CAPN2: variants seen among roughly 807,000 people sequenced by gnomAD.
CAPN2 encodes calpain-2 catalytic subunit.
Under a neutral mutation model 102.3 loss-of-function variants are expected in CAPN2, and 92 were observed. The ratio of observed to expected loss-of-function variants is 0.90; its 90% confidence interval spans 0.76 to 1.07. The LOEUF (loss-of-function observed/expected upper bound fraction) is 1.07, where lower values mean the gene tolerates loss of function less well. Among genes scored for constraint, CAPN2 ranks in the 50% least tolerant of loss-of-function variants. CAPN2 has a pLI of 0.00. For missense variants in CAPN2, 800 were observed against 909.4 expected (o/e 0.88, Z 1.55); for synonymous variants, 340 against 355.4 (o/e 0.96, Z 0.49).
chr1:223,755,865 C>T lies in CAPN2; in HGVS notation c.1305+216C>T, dbSNP rs1008229175. Among the ~76,000 whole-genome samples the T allele has an allele frequency of 3.3e-5, 5 of 152,224 alleles. No individual in the cohort carries two copies. The highest frequency in any genetic ancestry group is 4.8e-5 in the African/African-American group (2 of 41,460). On this transcript the variant is annotated intron_variant, in intron 10 of 20. Coordinates refer to ENST00000295006, the MANE Select transcript of CAPN2 (RefSeq NM_001748.5). The surrounding 1 kb of genome is among the most constrained non-coding windows in gnomAD (Gnocchi z 4.1). ...GTTGTGGGGCCTTCTAAGCCCTTCA[C>T]GGGCCCCCCACAGCCAGCCTGCAGG...
At chr1:223,701,961 C>G (rs1412335259) in intron 1 of CAPN2, 1 of 130,080 alleles carries the variant, frequency 7.7e-6, no homozygotes, top group African/African-American at 2.9e-5. Flanking sequence ...GAGCTGAGAT[C>G]GTGTCACTGC....
At chr1:223,734,056 T>C (rs1252588764) in intron 2 of CAPN2, among the ~76,000 whole-genome samples, 4 of 152,106 alleles carry the variant, frequency 2.6e-5, no homozygotes, top group Non-Finnish European at 2.9e-5. Context: ...CCTTCTGTTA[T>C]GTGAGGAGAA....
In CAPN2 at chr1:223,731,258, T is replaced by C. The variant is rs989167302; in HGVS notation, c.308-12842T>C. On this transcript the variant is annotated intron_variant, in intron 2 of 20. Transcript: ENST00000295006. The surrounding 1 kb of genome is among the most constrained non-coding windows in gnomAD (Gnocchi z 4.2). Reference sequence around the variant, plus strand: ...GAAGGGGAAAGGAAGAGAAGGAAGTTTGGCTTAAATTCCCTTAGGAGCCAG... The same window carrying C: ...GAAGGGGAAAGGAAGAGAAGGAAGTCTGGCTTAAATTCCCTTAGGAGCCAG... 6.6e-6 allele frequency among the ~76,000 whole-genome samples: 1 copy of C among 152,030 alleles called. No homozygotes were observed. Among genetic ancestry groups the C allele is most frequent in the Non-Finnish European group, 1.5e-5 (1 of 68,006 alleles).
Position 223,745,289 on chromosome 1 carries a change from C to CCT in CAPN2, c.427-12_427-11dup. On this transcript the variant is annotated splice_polypyrimidine_tract_variant and intron_variant, in intron 3 of 20. Transcript: ENST00000295006. ...TGCCACCAGCTCCTCCTGCAGCCCA[C>CCT]CTCTCTTGTTCTGCAGTTCTGGCAA... 6.2e-7 allele frequency: 1 copy of CCT among 1,614,102 alleles called. No individual in the cohort carries two copies. Among genetic ancestry groups the CCT allele is most frequent in the Non-Finnish European group, 8.5e-7 (1 of 1,180,016 alleles).
chr1:223,760,664 C>T (rs1661161990), intron 12 of CAPN2, among the ~76,000 whole-genome samples: 1 of 152,102 alleles, frequency 6.6e-6, no homozygotes, highest in South Asian at 2.1e-4. Flanking sequence ...TAACAGTGTC[C>T]TTTGTCAAAC....
chr1:223,752,018 A>G lies in CAPN2; in HGVS notation c.921A>G (p.Ile307Met). ...WNDNCPSWNT[I>M]DPEERERLTR... ...CCAGCTGCCCAAGCTGGAACACTATAGACCCAGAGGAGAGGGAAAGGCTGA... is the reference window on the plus strand; with the variant it reads ...CCAGCTGCCCAAGCTGGAACACTATGGACCCAGAGGAGAGGGAAAGGCTGA... The change falls in exon 8 of 21, where the codon ATA (isoleucine) becomes ATG (methionine). Residue 307 changes from isoleucine (I) to methionine (M), a missense_variant. Ile to Met is a conservative substitution (Grantham distance 10). Coordinates refer to ENST00000295006, the MANE Select transcript of CAPN2 (RefSeq NM_001748.5). 6.2e-7 allele frequency: 1 copy of G among 1,612,634 alleles called. No individual in the cohort carries two copies. Among genetic ancestry groups the G allele is most frequent in the Non-Finnish European group, 8.5e-7 (1 of 1,178,990 alleles).
Position 223,755,382 on chromosome 1 carries a change from A to G in CAPN2, c.1136-98A>G, listed in dbSNP as rs1661006876. On this transcript the variant is annotated intron_variant, in intron 9 of 20. Coordinates refer to ENST00000295006, the MANE Select transcript of CAPN2 (RefSeq NM_001748.5). The surrounding 1 kb of genome is among the most constrained non-coding windows in gnomAD (Gnocchi z 4.1). ...CCTCCCACCATCTCCCTTTATCTCC[A>G]TCCCTCTCAGAAGCCTCCAAGCCTG... 2.5e-6 allele frequency: 3 copies of G among 1,188,338 alleles called. No homozygotes were observed. Among genetic ancestry groups the G allele is most frequent in the Non-Finnish European group, 3.6e-6 (3 of 826,168 alleles). The allele number at this position is 1,188,338 out of a possible 1,614,324, so 73.6% of individuals were successfully genotyped here. A position where few individuals can be genotyped will look rare whatever the true frequency, so the allele number is the denominator to read the frequency against.
In CAPN2 at chr1:223,702,105, A is replaced by AGAAGGAAGGAAGGAAGGAAGGAAG. The variant is rs372361537; in HGVS notation, c.3+282_3+305dup. Among the ~76,000 whole-genome samples the AGAAGGAAGGAAGGAAGGAAGGAAG allele has an allele frequency of 1.5e-3, 125 of 84,600 alleles. 2 individuals carry two copies. The highest frequency in any genetic ancestry group is 5.3e-3 in the African/African-American group (97 of 18,372). 55.5% of individuals were successfully genotyped at this position (84,600 alleles called of 152,430 possible). ...AGGGAGGGAGGGAGGAAAGAAGGAAAGAAGGAAGGAAGGAAGGAAGGAAGG... is the reference window on the plus strand; with the variant it reads ...AGGGAGGGAGGGAGGAAAGAAGGAAAGAAGGAAGGAAGGAAGGAAGGAAGGAAGGAAGGAAGGAAGGAAGGAAGG... On this transcript the variant is annotated intron_variant, in intron 1 of 20. Coordinates refer to the CAPN2 transcript ENST00000433674.
chr1:223,759,614 G>A lies in CAPN2; in HGVS notation c.1529+133G>A, dbSNP rs367781752. 1 of 670,350 alleles carries A rather than the reference G, an allele frequency of 1.5e-6. No individual in the cohort carries two copies. 41.5% of individuals were successfully genotyped at this position (670,350 alleles called of 1,614,324 possible). ...TCTGTAACACCTGCCCACCTCGAAGGACTAGTGTGGGGATTTGATGGATTG... is the reference window on the plus strand; with the variant it reads ...TCTGTAACACCTGCCCACCTCGAAGAACTAGTGTGGGGATTTGATGGATTG... On this transcript the variant is annotated intron_variant, in intron 12 of 20. Coordinates refer to ENST00000295006, the MANE Select transcript of CAPN2 (RefSeq NM_001748.5). This position sits in a 1 kb window ranked among gnomAD's most constrained non-coding sequence, Gnocchi z 4.6.
Position 223,752,683 on chromosome 1 carries a change from T to TA in CAPN2, c.975-111dup, listed in dbSNP as rs1315331165. On this transcript the variant is annotated intron_variant, in intron 8 of 20. Transcript: ENST00000295006. Reference sequence around the variant, plus strand: ...AACCTGGTGCCCATCCACTCAGTTCTAATGAGCTGCTCTGCCTGGCTTTGG... The same window carrying TA: ...AACCTGGTGCCCATCCACTCAGTTCTAAATGAGCTGCTCTGCCTGGCTTTGG... The TA allele has an allele frequency of 2.0e-5, 19 of 961,466 alleles. No individual in the cohort carries two copies. In the Admixed American group the frequency reaches 4.1e-4, roughly 21 times the overall value. 59.6% of individuals were successfully genotyped at this position (961,466 alleles called of 1,614,324 possible). A position where few individuals can be genotyped will look rare whatever the true frequency, so the allele number is the denominator to read the frequency against.
At position 223,726,547 on chromosome 1, in the gene CAPN2, A is replaced by C. The variant is rs1390310755; in HGVS notation, c.307+8716A>C. On this transcript the variant is annotated intron_variant, in intron 2 of 20. Coordinates refer to ENST00000295006, the MANE Select transcript of CAPN2 (RefSeq NM_001748.5). The surrounding 1 kb of genome is among the most constrained non-coding windows in gnomAD (Gnocchi z 4.4). ...CTAGAGAGAGGAAGAGTGAATGTCAAGCCCCAGCACCCTCGCCTCCCTCCC... is the reference window on the plus strand; with the variant it reads ...CTAGAGAGAGGAAGAGTGAATGTCACGCCCCAGCACCCTCGCCTCCCTCCC... Among the ~76,000 whole-genome samples, 3 of 152,144 alleles carry C rather than the reference A, an allele frequency of 2.0e-5. No individual in the cohort carries two copies. The highest frequency in any genetic ancestry group is 4.4e-5 in the Non-Finnish European group (3 of 68,022).
Position 223,717,758 on chromosome 1 carries a change from C to G in CAPN2, c.238-4C>G, listed in dbSNP as rs752765704. 2 of 1,613,814 alleles carry G rather than the reference C, an allele frequency of 1.2e-6. No individual in the cohort carries two copies. The highest frequency in any genetic ancestry group is 1.7e-6 in the Non-Finnish European group (2 of 1,179,702). On this transcript the variant is annotated splice_region_variant and splice_polypyrimidine_tract_variant and intron_variant, in intron 1 of 20. Coordinates refer to ENST00000295006, the MANE Select transcript of CAPN2 (RefSeq NM_001748.5). ...TAACAGCACTTTGTGGGTCTCGTTCCCAGGAGATCTGCGCTGACCCCCAGT... is the reference window on the plus strand; with the variant it reads ...TAACAGCACTTTGTGGGTCTCGTTCGCAGGAGATCTGCGCTGACCCCCAGT...
chr1:223,728,921 T>C (rs1474067332), intron 2 of CAPN2, among the ~76,000 whole-genome samples: 2 of 152,218 alleles, frequency 1.3e-5, no homozygotes, highest in Admixed American at 6.5e-5. Flanking sequence ...GCATCTGTTA[T>C]AGGAAGAGCA....
chr1:223,751,723 CT>C (rs1308718692), intron 7 of CAPN2, among the ~76,000 whole-genome samples: 1 of 152,212 alleles, frequency 6.6e-6, no homozygotes, highest in Non-Finnish European at 1.5e-5. Flanking sequence ...CTCTAATGAA[CT>C]ATGTTCATTT....
chr1:223,742,392 AAAAAC>A (rs1427959509), intron 2 of CAPN2, among the ~76,000 whole-genome samples: 1 of 151,990 alleles, frequency 6.6e-6, no homozygotes, highest in African/African-American at 2.4e-5. Context: ...GACTGTCTCA[AAAAAC>A]AAAACAAAAC....
At chr1:223,767,176 A>C (rs200694389) in intron 16 of CAPN2, among the ~76,000 whole-genome samples, 3 of 108,142 alleles carry the variant, frequency 2.8e-5, no homozygotes, top group Non-Finnish European at 5.4e-5. Context: ...CGTCTTCTTT[A>C]TTTATTTATT....
chr1:223,759,526 C>T lies in CAPN2; in HGVS notation c.1529+45C>T. 2 of 1,537,044 alleles carry T rather than the reference C, an allele frequency of 1.3e-6. No homozygotes were observed. Among genetic ancestry groups the T allele is most frequent in the Non-Finnish European group, 1.8e-6 (2 of 1,114,054 alleles). ...CCTCTCCCCACCCTTCCCTGTCCCT[C>T]CCCACTGGTCTGTTCCTCGGCCCCT... On this transcript the variant is annotated intron_variant, in intron 12 of 20. Transcript: ENST00000295006. This position sits in a 1 kb window ranked among gnomAD's most constrained non-coding sequence, Gnocchi z 4.6.
chr1:223,744,627 G>A (rs28370052), intron 3 of CAPN2, among the ~76,000 whole-genome samples: 9,258 of 152,174 alleles, frequency 0.061, 426 homozygotes, highest in East Asian at 0.16. Flanking sequence ...TTGGGAGGCC[G>A]AGGTGGGCAG....
chr1:223,740,216 A>G (rs975494325), intron 2 of CAPN2, among the ~76,000 whole-genome samples: 1 of 152,132 alleles, frequency 6.6e-6, no homozygotes, highest in Admixed American at 6.5e-5. Context: ...TGCCACCTGG[A>G]CGCTGAAACA....
Sources: gnomAD v4.1 joint callset for allele counts (sites outside exome capture counted in the v4.1 genomes callset) on GRCh38, gnomAD v4.1.1 for gene constraint, Gnocchi (gnomAD v3.1) non-coding constraint, MANE v1.5 for transcripts, NCBI Gene and HGNC (gene_info 2026-07-23, HGNC 2026-07-21) for gene names.